The following PTPRG variants were observed in gnomAD, a reference collection of about 807,000 sequenced individuals.
PTPRG encodes the protein protein tyrosine phosphatase receptor type G.
Under a neutral mutation model 165.3 loss-of-function variants are expected in PTPRG, and 102 were observed. The ratio of observed to expected loss-of-function variants is 0.62; its 90% confidence interval spans 0.53 to 0.73. The LOEUF is 0.73. PTPRG is among the 30% of genes least tolerant of loss of function. The probability of loss-of-function intolerance (pLI) is 0.00; values close to 1 mark genes in which losing one functional copy is unlikely to be tolerated. For missense variants in PTPRG, 1,866 were observed against 1,861.4 expected, an observed-to-expected ratio of 1.00 and a Z score of -0.05; for synonymous variants, 675 against 669.5, an observed-to-expected ratio of 1.01 and a Z score of -0.13.
At chr3:62,264,804 A>C (rs1268866768) in intron 17 of PTPRG, among the ~76,000 whole-genome samples, 1 of 152,146 alleles carries the variant, frequency 6.6e-6, no homozygotes, top group Non-Finnish European at 1.5e-5. Flanking sequence ...TTTGGTGTAT[A>C]CGTAGGAGTA....
chr3:62,012,392 A>G (rs1253839154), intron 4 of PTPRG, among the ~76,000 whole-genome samples: 2 of 152,204 alleles, frequency 1.3e-5, no homozygotes, highest in African/African-American at 2.4e-5. Context: ...TCATTTTTTC[A>G]GAATCTTAAC....
At chr3:61,937,133 G>A (rs2039500975) in intron 2 of PTPRG, among the ~76,000 whole-genome samples, 3 of 152,146 alleles carry the variant, frequency 2.0e-5, no homozygotes, top group East Asian at 1.9e-4. Flanking sequence ...GGAAATCACT[G>A]GGGATATTCA....
intron 1 of PTPRG, among the ~76,000 whole-genome samples, chr3:61,619,960 A>C (rs1347120673): frequency 6.6e-6 from 1 of 152,242 alleles, no homozygotes; most frequent in Non-Finnish European, 1.5e-5. Context: ...AACACATCAC[A>C]CAGTTGTGTT....
chr3:61,969,283 C>T (rs1007107100), intron 2 of PTPRG, among the ~76,000 whole-genome samples: 5 of 152,082 alleles, frequency 3.3e-5, no homozygotes, highest in African/African-American at 1.2e-4. Context: ...TTCCAAGGTA[C>T]CTTGGATGCA....
intron 1 of PTPRG, among the ~76,000 whole-genome samples, chr3:61,721,961 A>G (rs1028653085): frequency 3.3e-5 from 5 of 152,144 alleles, no homozygotes; most frequent in African/African-American, 9.7e-5. Context: ...GTATGGCAAG[A>G]TGCAGCAACA....
intron 2 of PTPRG, among the ~76,000 whole-genome samples, chr3:61,868,488 C>T (rs958346409): frequency 4.6e-5 from 7 of 152,202 alleles, no homozygotes; most frequent in African/African-American, 1.4e-4. Context: ...TGCCTTGAGC[C>T]TGGGCATTCA....
chr3:61,771,728 T>C (rs1181470413), intron 2 of PTPRG, among the ~76,000 whole-genome samples: 1 of 152,126 alleles, frequency 6.6e-6, no homozygotes, highest in East Asian at 1.9e-4. Context: ...CCTTTTTCTT[T>C]CCTGAACCAT....
intron 1 of PTPRG, among the ~76,000 whole-genome samples, chr3:61,693,013 A>G (rs903610889): frequency 1.4e-4 from 22 of 152,184 alleles, no homozygotes; most frequent in African/African-American, 5.1e-4. Flanking sequence ...TTTTATAGCA[A>G]TTGGATAAGA....
At chr3:61,905,540 G>A (rs547234158) in intron 2 of PTPRG, among the ~76,000 whole-genome samples, 1 of 152,252 alleles carries the variant, frequency 6.6e-6, no homozygotes, top group South Asian at 2.1e-4. Flanking sequence ...TAGCATACTT[G>A]CTTGTTCATC....
chr3:62,013,036 G>A (rs2041463759), intron 4 of PTPRG, among the ~76,000 whole-genome samples: 1 of 151,606 alleles, frequency 6.6e-6, no homozygotes, highest in Admixed American at 6.6e-5. Flanking sequence ...CCTTAAAAGA[G>A]GTAAAAAGGA....
intron 1 of PTPRG, among the ~76,000 whole-genome samples, chr3:61,703,223 G>T (rs1244171673): frequency 6.6e-6 from 1 of 150,968 alleles, no homozygotes; most frequent in African/African-American, 2.4e-5. Flanking sequence ...GCTTGTGTTT[G>T]CCCCACTTAT....
At chr3:62,234,941 C>CA (rs1485495540) in intron 14 of PTPRG, among the ~76,000 whole-genome samples, 1 of 151,228 alleles carries the variant, frequency 6.6e-6, no homozygotes, top group Non-Finnish European at 1.5e-5. Context: ...CTACTTCCCC[C>CA]CCCCGAGATG....
chr3:62,169,885 CAG>C lies in PTPRG; in HGVS notation c.1033+1723_1033+1724del, dbSNP rs1179075790. Among the ~76,000 whole-genome samples, 6 of 152,186 alleles carry C rather than the reference CAG, an allele frequency of 3.9e-5. No homozygotes were observed. In the East Asian group the frequency reaches 1.2e-3, roughly 29 times the overall value. On this transcript the variant is annotated intron_variant, in intron 8 of 29. Coordinates refer to ENST00000474889, the MANE Select transcript of PTPRG (RefSeq NM_002841.4). ...TATTGGCATATGGACTTTGTAGGAA[CAG>C]GGGGAATGGGATTCTATTCCACAAG...
intron 2 of PTPRG, among the ~76,000 whole-genome samples, chr3:61,863,879 T>C (rs1046227494): frequency 6.6e-6 from 1 of 152,248 alleles, no homozygotes; most frequent in African/African-American, 2.4e-5. Flanking sequence ...TGACCTAGTA[T>C]GAACGTCAGT....
intron 1 of PTPRG, among the ~76,000 whole-genome samples, chr3:61,621,362 C>T (rs970440132): frequency 2.6e-5 from 4 of 152,066 alleles, no homozygotes; most frequent in African/African-American, 9.7e-5. Flanking sequence ...TGAAACTTTA[C>T]TGATTACGTG....
At chr3:61,921,546 T>C (rs2039078505) in intron 2 of PTPRG, among the ~76,000 whole-genome samples, 1 of 152,160 alleles carries the variant, frequency 6.6e-6, no homozygotes, top group African/African-American at 2.4e-5. Flanking sequence ...CGAGTTGCAT[T>C]CAAAATACAG....
chr3:61,579,109 T>C (rs1700226530), intron 1 of PTPRG, among the ~76,000 whole-genome samples: 1 of 152,122 alleles, frequency 6.6e-6, no homozygotes, highest in Non-Finnish European at 1.5e-5. Context: ...GAGGACTAGC[T>C]AATACCCTCC....
intron 2 of PTPRG, among the ~76,000 whole-genome samples, chr3:61,909,052 C>G (rs558332102): frequency 3.0e-4 from 45 of 152,200 alleles, no homozygotes; most frequent in African/African-American, 1.0e-3. Flanking sequence ...GTTTTTCTAC[C>G]CCTTCTGATA....
At chr3:62,041,939 C>T (rs1268692640) in intron 4 of PTPRG, among the ~76,000 whole-genome samples, 1 of 152,136 alleles carries the variant, frequency 6.6e-6, no homozygotes, top group Non-Finnish European at 1.5e-5. Flanking sequence ...CCTTCATCGC[C>T]TCTTAATTCT....
Sources: allele counts gnomAD v4.1 joint callset (sites outside exome capture counted in the v4.1 genomes callset), GRCh38; gene constraint gnomAD v4.1.1; transcripts MANE v1.5; gene names NCBI Gene and HGNC (gene_info 2026-07-23, HGNC 2026-07-21).